ARAP2: variants seen among roughly 807,000 people sequenced by gnomAD.
The protein encoded by ARAP2 is ArfGAP with RhoGAP domain, ankyrin repeat and PH domain 2.
ARAP2 carries 148 observed loss-of-function variants against 194.5 expected under a neutral mutation model. That is an observed-to-expected ratio of 0.76 (90% CI 0.67 to 0.87). The LOEUF (loss-of-function observed/expected upper bound fraction) is 0.87. Ranked by LOEUF, ARAP2 falls within the 40% of genes least tolerant of loss-of-function variation. The pLI, the probability that ARAP2 is intolerant of heterozygous loss-of-function variation, is 0.00. For synonymous variants in ARAP2, 695 were observed against 683.5 expected, an observed-to-expected ratio of 1.02 and a Z score of -0.26; for missense variants, 2,128 against 1,989.7, an observed-to-expected ratio of 1.07 and a Z score of -1.32.
chr4:36,148,760 C>T (rs1447283637), intron 16 of ARAP2, among the ~76,000 whole-genome samples: 2 of 152,146 alleles, frequency 1.3e-5, no homozygotes, highest in East Asian at 1.9e-4. Flanking sequence ...GCCCTGGACA[C>T]TCATCAGTTG....
chr4:36,108,264 T>A (rs892670454), intron 26 of ARAP2, among the ~76,000 whole-genome samples: 9 of 151,986 alleles, frequency 5.9e-5, no homozygotes, highest in Non-Finnish European at 1.2e-4. Flanking sequence ...TATATGCAAT[T>A]AAATGGTTTT....
intron 8 of ARAP2, among the ~76,000 whole-genome samples, chr4:36,179,162 A>G (rs1187555869): frequency 1.3e-5 from 2 of 152,218 alleles, no homozygotes; most frequent in African/African-American, 4.8e-5. Context: ...AGACATTATA[A>G]TAATACAGAC....
chr4:36,189,423 T>A (rs1741363087), intron 7 of ARAP2, among the ~76,000 whole-genome samples: 1 of 152,148 alleles, frequency 6.6e-6, no homozygotes, highest in Non-Finnish European at 1.5e-5. Flanking sequence ...ACATTCAATA[T>A]CCTCCTTCTG....
In ARAP2 at chr4:36,083,457, G is replaced by T; in HGVS notation, c.4426-7C>A. ...TCTTGTCATGTTTACTACTCTGTAA[G>T]GTAAAAAAATAATTTGTAATTAAAT... On this transcript the variant is annotated splice_polypyrimidine_tract_variant and splice_region_variant and intron_variant, in intron 28 of 32. Transcript: ENST00000303965. The T allele has an allele frequency of 6.5e-7, 1 of 1,548,378 alleles. No individual in the cohort carries two copies. Among genetic ancestry groups the T allele is most frequent in the South Asian group, 1.2e-5 (1 of 82,986 alleles).
intron 5 of ARAP2, among the ~76,000 whole-genome samples, chr4:36,028,628 C>A (rs1401651341): frequency 6.8e-6 from 1 of 147,296 alleles, no homozygotes; most frequent in Non-Finnish European, 1.5e-5. Flanking sequence ...CTGAAAAAAT[C>A]AGTCTATTGA....
chr4:36,079,982 T>C (rs556455208), intron 31 of ARAP2, among the ~76,000 whole-genome samples: 1 of 152,242 alleles, frequency 6.6e-6, no homozygotes, highest in South Asian at 2.1e-4. Context: ...AAGGAGGCTG[T>C]GGGGCTGGCA....
chr4:36,020,472 G>A (rs1387537887), intron 5 of ARAP2, among the ~76,000 whole-genome samples: 1 of 151,400 alleles, frequency 6.6e-6, no homozygotes, highest in Non-Finnish European at 1.5e-5. Context: ...AGCAACTAAT[G>A]GGCAGGTTAG....
chr4:36,142,483 T>C (rs970984061), intron 19 of ARAP2, among the ~76,000 whole-genome samples: 5 of 151,464 alleles, frequency 3.3e-5, no homozygotes, highest in Non-Finnish European at 5.9e-5. Flanking sequence ...GTTTACTCAA[T>C]TTCCATTCTT....
At chr4:36,218,440 T>TAA (rs1020261681) in intron 2 of ARAP2, among the ~76,000 whole-genome samples, 1 of 149,538 alleles carries the variant, frequency 6.7e-6, no homozygotes, top group Non-Finnish European at 1.5e-5. Context: ...ACTAAAATAT[T>TAA]AAAAAAAAAA....
At chr4:36,009,432 CTTG>C (rs1276606793) in intron 9 of ARAP2, among the ~76,000 whole-genome samples, 1 of 152,012 alleles carries the variant, frequency 6.6e-6, no homozygotes, top group African/African-American at 2.4e-5. Flanking sequence ...CCAAATCATG[CTTG>C]TTATTACATG....
At chr4:36,169,302 T>C (rs921887932) in intron 9 of ARAP2, among the ~76,000 whole-genome samples, 2 of 152,166 alleles carry the variant, frequency 1.3e-5, no homozygotes, top group Non-Finnish European at 2.9e-5. Context: ...GTAAGTCCTG[T>C]ATGTTACTAA....
intron 25 of ARAP2, among the ~76,000 whole-genome samples, chr4:36,115,498 C>T (rs1721096419): frequency 6.6e-6 from 1 of 151,956 alleles, no homozygotes; most frequent in Non-Finnish European, 1.5e-5. Context: ...TGGTCTGAAA[C>T]AGGAAAACCA....
At chr4:36,080,664 G>C (rs1244463662) in intron 30 of ARAP2, among the ~76,000 whole-genome samples, 1 of 152,136 alleles carries the variant, frequency 6.6e-6, no homozygotes, top group Non-Finnish European at 1.5e-5. Flanking sequence ...CATAAGAGCA[G>C]ATCTTTCTTT....
chr4:36,022,459 C>T (rs560585204), intron 5 of ARAP2, among the ~76,000 whole-genome samples: 266 of 152,080 alleles, frequency 1.7e-3, no homozygotes, highest in African/African-American at 6.2e-3. Context: ...TTTCAGCGAG[C>T]GGGGAGTGAG....
chr4:36,137,067 A>G (rs1267156983), intron 19 of ARAP2, among the ~76,000 whole-genome samples: 3 of 151,914 alleles, frequency 2.0e-5, no homozygotes, highest in South Asian at 4.1e-4. Context: ...TAGCATTTTA[A>G]AGGCTGATGA....
intron 5 of ARAP2, among the ~76,000 whole-genome samples, chr4:36,031,000 C>T (rs1236369000): frequency 6.6e-6 from 1 of 152,098 alleles, no homozygotes; most frequent in Non-Finnish European, 1.5e-5. Flanking sequence ...CATGGTGGCA[C>T]ACGCCTGTAG....
At chr4:36,161,146 AACACACACACACACACAC>A (rs36207295) in intron 12 of ARAP2, among the ~76,000 whole-genome samples, 2 of 147,890 alleles carry the variant, frequency 1.4e-5, no homozygotes, top group African/African-American at 5.0e-5. Context: ...CACACACACA[AACACACACACACACACAC>A]ACACACACAC....
intron 5 of ARAP2, among the ~76,000 whole-genome samples, chr4:36,037,170 A>G (rs116681083): frequency 0.018 from 2,702 of 152,290 alleles, 32 homozygotes; most frequent in Non-Finnish European, 0.028. Flanking sequence ...GAAAAAGAAA[A>G]GTAGCCTAGG....
At chr4:36,183,506 C>T (rs1739774585) in intron 8 of ARAP2, among the ~76,000 whole-genome samples, 1 of 152,110 alleles carries the variant, frequency 6.6e-6, no homozygotes, top group African/African-American at 2.4e-5. Flanking sequence ...AATTCTTAAG[C>T]TCTCTTCTAA....
Sources: gnomAD v4.1 joint callset for allele counts (sites outside exome capture counted in the v4.1 genomes callset) on GRCh38, gnomAD v4.1.1 for gene constraint, MANE v1.5 for transcripts, NCBI Gene and HGNC (gene_info 2026-07-23, HGNC 2026-07-21) for gene names.